Variants in SOD2 observed in about 807,000 individuals in gnomAD.
SOD2 encodes superoxide dismutase 2, also known as superoxide dismutase [Mn], mitochondrial.
A neutral mutation model predicts 27.0 loss-of-function variants in SOD2; 11 were observed. That is an observed-to-expected ratio of 0.41 (90% CI 0.26 to 0.67). The LOEUF (loss-of-function observed/expected upper bound fraction) is 0.67, where lower values mean the gene tolerates loss of function less well. Ranked by LOEUF, SOD2 falls within the 30% of genes least tolerant of loss-of-function variation. The pLI is 0.34. For synonymous variants in SOD2, 105 were observed against 103.0 expected (o/e 1.02, Z -0.12); for missense variants, 250 against 274.5 (o/e 0.91, Z 0.63).
chr6:159,681,845 T>C lies in SOD2; in HGVS notation c.*648A>G, dbSNP rs1032877452. ...TTGCTTGGCGCCCTGCAAATAAACA[T>C]CCTCCTTTCTCCTACTGCAAAAACC... On this transcript the variant is annotated 3_prime_UTR_variant, in exon 5 of 5. Coordinates refer to ENST00000538183, the MANE Select transcript of SOD2 (RefSeq NM_000636.4). 3.9e-5 allele frequency: 6 copies of C among 152,184 alleles called. No individual in the cohort carries two copies. Among genetic ancestry groups the C allele is most frequent in the Admixed American group, 1.3e-4 (2 of 15,262 alleles). 9.4% of individuals were successfully genotyped at this position (152,184 alleles called of 1,614,324 possible).
chr6:159,727,622 C>T (rs1381635593), upstream of SOD2: 3 of 985,988 alleles, frequency 3.0e-6, no homozygotes. Context: ...GCGCGGTGGC[C>T]CGGGGGGCCC....
At position 159,701,739 on chromosome 6, in the gene SOD2, AG is replaced by A. The variant is rs772691546; in HGVS notation, c.-115-8877del. Among the ~76,000 whole-genome samples the A allele has an allele frequency of 1.4e-4, 22 of 152,208 alleles. 1 individual carries two copies. Among genetic ancestry groups the A allele is most frequent in the Non-Finnish European group, 2.8e-4 (19 of 68,032 alleles). ...AATAGTCACACATCAGTGCTATGGT[AG>A]AATCTCAAAATCTCCCACATTTTTG... is the stretch of plus-strand genomic sequence containing the variant. On this transcript the variant is annotated intron_variant, in intron 1 of 2. Coordinates refer to the SOD2 transcript ENST00000401980.
chr6:159,689,579 A>C (rs1195778394), intron 2 of SOD2, among the ~76,000 whole-genome samples: 1 of 152,272 alleles, frequency 6.6e-6, no homozygotes, highest in East Asian at 1.9e-4. Flanking sequence ...AAAGTAAAGG[A>C]CACAGAGACC....
At chr6:159,720,847 CTTTTT>C (rs763455003) in intron 1 of SOD2, among the ~76,000 whole-genome samples, 10 of 59,962 alleles carry the variant, frequency 1.7e-4, no homozygotes, top group African/African-American at 5.2e-4. Context: ...TTTTCTTTAC[CTTTTT>C]TTTTTTTTTT....
At chr6:159,742,269 C>A in intron 1 of SOD2, 1 of 749,178 alleles carries the variant, frequency 1.3e-6, no homozygotes, top group Non-Finnish European at 2.1e-6. Flanking sequence ...AAGAACTGTA[C>A]ATAGGCACTG....
intron 1 of SOD2, among the ~76,000 whole-genome samples, chr6:159,752,453 T>C (rs1280112742): frequency 1.3e-5 from 2 of 152,232 alleles, no homozygotes; most frequent in African/African-American, 4.8e-5. Context: ...TGGGAAACAT[T>C]TGAGCTTTTC....
rs559796003 is a variant in SOD2, at chr6:159,761,413, G to A, written c.-712C>T. 7.2e-4 allele frequency: 281 copies of A among 388,974 alleles called. 2 individuals are homozygous for A. The highest frequency in any genetic ancestry group is 4.6e-4 in the Non-Finnish European group (90 of 196,382). The allele number at this position is 388,974 out of a possible 1,614,324, so 24.1% of individuals were successfully genotyped here. A position where few individuals can be genotyped will look rare whatever the true frequency, so the allele number is the denominator to read the frequency against. The stretch of plus-strand genomic sequence containing the variant: ...ACTTTTGTGACGCTAAGACGCTCCC[G>A]GCGTCCTCACCCGTTCACAGCCAGA... On this transcript the variant is annotated 5_prime_UTR_variant, in exon 1 of 8. Transcript: ENST00000546087.
rs559379581 is a variant in SOD2, at chr6:159,723,139, T to A, written c.-116+3990A>T. 4.6e-5 allele frequency among the ~76,000 whole-genome samples: 7 copies of A among 152,356 alleles called. No homozygotes were observed. The South Asian group carries it at 1.2e-3, about 27-fold the overall frequency. On this transcript the variant is annotated intron_variant, in intron 1 of 2. Coordinates refer to the SOD2 transcript ENST00000401980. Reference sequence around the variant, plus strand: ...TGAACCTCTGCTAAAACATAAGGGATGGTGGCTGACTCCCTTGCTACAGCA... The same window carrying A: ...TGAACCTCTGCTAAAACATAAGGGAAGGTGGCTGACTCCCTTGCTACAGCA...
intron 1 of SOD2, among the ~76,000 whole-genome samples, chr6:159,719,109 G>A (rs1419116496): frequency 1.3e-5 from 2 of 152,042 alleles, no homozygotes; most frequent in Non-Finnish European, 2.9e-5. Flanking sequence ...CTAATGTGGA[G>A]GTAGGTGGTG....
intron 1 of SOD2, among the ~76,000 whole-genome samples, chr6:159,739,579 A>G (rs772811081): frequency 3.9e-5 from 6 of 152,240 alleles, no homozygotes; most frequent in Non-Finnish European, 5.9e-5. Flanking sequence ...TTGTGTAAGA[A>G]ATCAGGAAGT....
upstream of SOD2, among the ~76,000 whole-genome samples, chr6:159,695,935 T>C (rs370691064): frequency 7.2e-5 from 11 of 152,182 alleles, no homozygotes; most frequent in East Asian, 3.8e-4. Flanking sequence ...TGAATATGGA[T>C]TTCCCATAGA....
upstream of SOD2, among the ~76,000 whole-genome samples, chr6:159,728,320 C>T (rs1778346922): frequency 1.3e-5 from 2 of 151,804 alleles, no homozygotes; most frequent in East Asian, 1.9e-4. Context: ...TGGAAAAGCC[C>T]GAGTTCTTGT....
chr6:159,740,800 C>T (rs982316985), intron 1 of SOD2, among the ~76,000 whole-genome samples: 1 of 151,396 alleles, frequency 6.6e-6, no homozygotes, highest in Non-Finnish European at 1.5e-5. Context: ...GCCTCCCGGT[C>T]AAGCGGTTCT....
intron 1 of SOD2, among the ~76,000 whole-genome samples, chr6:159,717,901 G>A (rs1422926320): frequency 4.3e-5 from 2 of 46,994 alleles, no homozygotes; most frequent in African/African-American, 1.1e-4. Flanking sequence ...ATGGATATGT[G>A]TGTGTGTGTG....
chr6:159,732,489 T>C (rs1441671985), intron 1 of SOD2, among the ~76,000 whole-genome samples: 1 of 152,148 alleles, frequency 6.6e-6, no homozygotes, highest in Non-Finnish European at 1.5e-5. Flanking sequence ...GATATACCGG[T>C]TAAATATGTA....
chr6:159,703,517 T>A (rs1004701153), intron 1 of SOD2, among the ~76,000 whole-genome samples: 2 of 151,992 alleles, frequency 1.3e-5, no homozygotes, highest in Non-Finnish European at 2.9e-5. Flanking sequence ...ACAAATGACA[T>A]GACGAAACTC....
rs1777872267 is a variant in SOD2, at chr6:159,713,662, A to C, written c.-116+13467T>G. Reference sequence around the variant, plus strand: ...AATGGAAGTCCTCTAAGCCAGACGAAGCCATCGTTGGCAGTATCAGGACTA... The same window carrying C: ...AATGGAAGTCCTCTAAGCCAGACGACGCCATCGTTGGCAGTATCAGGACTA... On this transcript the variant is annotated intron_variant, in intron 1 of 2. Coordinates refer to the SOD2 transcript ENST00000401980. 7.1e-6 allele frequency: 7 copies of C among 986,624 alleles called. No homozygotes were observed. In the East Asian group the frequency reaches 1.7e-4, roughly 24 times the overall value. The allele number at this position is 986,624 out of a possible 1,614,324, so 61.1% of individuals were successfully genotyped here.
chr6:159,732,183 T>C (rs1344563799), upstream of SOD2, among the ~76,000 whole-genome samples: 1 of 152,162 alleles, frequency 6.6e-6, no homozygotes, highest in African/African-American at 2.4e-5. Context: ...AATCCAAATA[T>C]AAATGGACCC....
Position 159,680,090 on chromosome 6 carries a change from G to A in SOD2, c.*2403C>T, listed in dbSNP as rs943977379. 5 of 152,148 alleles carry A rather than the reference G, an allele frequency of 3.3e-5. No homozygotes were observed. Among genetic ancestry groups the A allele is most frequent in the African/African-American group, 1.2e-4 (5 of 41,420 alleles). 9.4% of individuals were successfully genotyped at this position (152,148 alleles called of 1,614,324 possible). A position where few individuals can be genotyped will look rare whatever the true frequency, so the allele number is the denominator to read the frequency against. On this transcript the variant is annotated 3_prime_UTR_variant, in exon 5 of 5. Transcript: ENST00000538183. Reference sequence around the variant, plus strand: ...TCACCAGAAAGCCAAAGCAAAAATAGAGCCCCACAGAAATTTCAACATTGA... The same window carrying A: ...TCACCAGAAAGCCAAAGCAAAAATAAAGCCCCACAGAAATTTCAACATTGA...
Sources: gnomAD v4.1 joint callset for allele counts (sites outside exome capture counted in the v4.1 genomes callset) on GRCh38, gnomAD v4.1.1 for gene constraint, MANE v1.5 for transcripts, NCBI Gene and HGNC (gene_info 2026-07-23, HGNC 2026-07-21) for gene names.